The following SBF2 variants were observed in gnomAD, a reference collection of about 807,000 sequenced individuals.
SBF2 encodes myotubularin-related protein 13.
SBF2 carries 112 observed loss-of-function variants against 225.2 expected under a neutral mutation model. The observed-to-expected ratio is 0.50, with a 90% CI of 0.43 to 0.58. The LOEUF is 0.58. SBF2 is among the 20% of genes least tolerant of loss of function. The pLI is 0.00. For synonymous variants in SBF2, 763 were observed against 773.3 expected, an observed-to-expected ratio of 0.99 and a Z score of 0.22; for missense variants, 1,996 against 2,206.2, an observed-to-expected ratio of 0.90 and a Z score of 1.91.
In SBF2 at chr11:9,789,116, A is replaced by C; in HGVS notation, c.4925T>G (p.Leu1642Arg). 6.2e-7 allele frequency: 1 copy of C among 1,614,002 alleles called. No individual in the cohort carries two copies. Among genetic ancestry groups the C allele is most frequent in the Middle Eastern group, 1.6e-4 (1 of 6,062 alleles). ...TGTCTACAGTTGACTTACACTGAAA[A>C]GGCTGGTGAGAGCATCAGGCTGAGT... ...SCTQPDALTS[L>R]FSEIEKLEHK... The change falls in exon 35 of 40, where the codon CTT becomes CGT. Residue 1642 changes from leucine (L) to arginine (R), a missense_variant. Coordinates refer to ENST00000256190, the MANE Select transcript of SBF2 (RefSeq NM_030962.4).
At chr11:9,788,442 C>A (rs1852513542) in intron 35 of SBF2, among the ~76,000 whole-genome samples, 1 of 152,214 alleles carries the variant, frequency 6.6e-6, no homozygotes, top group Non-Finnish European at 1.5e-5. Flanking sequence ...ACTACCCACA[C>A]TTCTGACCAG....
intron 2 of SBF2, among the ~76,000 whole-genome samples, chr11:10,096,081 A>G (rs1268506096): frequency 6.6e-6 from 1 of 152,124 alleles, no homozygotes; most frequent in Non-Finnish European, 1.5e-5. Flanking sequence ...ACATCTAATA[A>G]ATACAAATAA....
At chr11:10,015,591 C>A (rs1457146761) in intron 6 of SBF2, among the ~76,000 whole-genome samples, 1 of 152,128 alleles carries the variant, frequency 6.6e-6, no homozygotes, top group Admixed American at 6.5e-5. Flanking sequence ...GTGGGAGCTT[C>A]CTAAAGGGAC....
chr11:10,034,331 T>C (rs919532432), intron 3 of SBF2, among the ~76,000 whole-genome samples: 5 of 152,332 alleles, frequency 3.3e-5, no homozygotes, highest in African/African-American at 1.2e-4. Flanking sequence ...TGGGATAAAT[T>C]AGTACTCACC....
chr11:9,825,133 T>G (rs1854993139), intron 28 of SBF2, among the ~76,000 whole-genome samples: 1 of 152,136 alleles, frequency 6.6e-6, no homozygotes, highest in Admixed American at 6.5e-5. Flanking sequence ...ATATATATCA[T>G]TAGTTAAGAT....
At chr11:9,839,368 C>G in intron 26 of SBF2, 130 bp downstream of exon 26, 1 of 907,186 alleles carries the variant, frequency 1.1e-6, no homozygotes, top group South Asian at 1.3e-5. Flanking sequence ...TTGCTCGTAT[C>G]CTGGAGACCT....
At chr11:9,818,036 C>G (rs146998504) in intron 28 of SBF2, among the ~76,000 whole-genome samples, 12,597 of 152,232 alleles carry the variant, frequency 0.083, 616 homozygotes, top group East Asian at 0.16. Flanking sequence ...ACCTCCACCT[C>G]CTGGGTTCAA....
chr11:10,172,604 C>T (rs1331577099), intron 2 of SBF2, among the ~76,000 whole-genome samples: 2 of 152,212 alleles, frequency 1.3e-5, no homozygotes, highest in East Asian at 1.9e-4. Context: ...CCACCGGCCT[C>T]GGCCTCCCGA....
chr11:10,017,375 C>A (rs376305321), intron 6 of SBF2, among the ~76,000 whole-genome samples: 3 of 152,132 alleles, frequency 2.0e-5, no homozygotes, highest in African/African-American at 7.2e-5. Context: ...TCTGGCCAAC[C>A]CACAACGGGG....
intron 1 of SBF2, among the ~76,000 whole-genome samples, chr11:10,253,386 C>T (rs116995750): frequency 1.3e-5 from 2 of 152,066 alleles, no homozygotes; most frequent in Non-Finnish European, 2.9e-5. Flanking sequence ...AAGAGATAGA[C>T]GTAAGAACTA....
At chr11:9,782,795 A>G (rs941386623) in intron 38 of SBF2, among the ~76,000 whole-genome samples, 3 of 151,222 alleles carry the variant, frequency 2.0e-5, no homozygotes, top group African/African-American at 7.3e-5. Flanking sequence ...GCGAGAACCC[A>G]GGAGGTGGAG....
intron 2 of SBF2, among the ~76,000 whole-genome samples, chr11:10,125,425 T>A (rs1216777255): frequency 6.6e-6 from 1 of 152,150 alleles, no homozygotes; most frequent in African/African-American, 2.4e-5. Context: ...TATTTGGAAA[T>A]AGTTTTAATA....
chr11:10,024,157 T>C (rs1471657022), intron 6 of SBF2, among the ~76,000 whole-genome samples: 2 of 152,362 alleles, frequency 1.3e-5, no homozygotes, highest in East Asian at 1.9e-4. Context: ...CAGCCATTCA[T>C]TTTTCATTTA....
At chr11:9,975,378 T>C (rs552173763) in intron 13 of SBF2, among the ~76,000 whole-genome samples, 1 of 152,120 alleles carries the variant, frequency 6.6e-6, no homozygotes, top group Non-Finnish European at 1.5e-5. Context: ...GCTAAGTGAA[T>C]GAAGCTAAAC....
At chr11:9,840,844 A>T (rs1308519801) in intron 25 of SBF2, among the ~76,000 whole-genome samples, 2 of 151,986 alleles carry the variant, frequency 1.3e-5, no homozygotes, top group African/African-American at 4.8e-5. Context: ...TTACAATCAC[A>T]GGTTACAGAA....
intron 2 of SBF2, among the ~76,000 whole-genome samples, chr11:10,183,444 A>G (rs1355406884): frequency 1.3e-5 from 2 of 152,248 alleles, no homozygotes. Context: ...GGAAATCCAG[A>G]GAAACTTTAA....
At chr11:10,239,787 T>A (rs1461557748) in intron 1 of SBF2, among the ~76,000 whole-genome samples, 1 of 152,234 alleles carries the variant, frequency 6.6e-6, no homozygotes, top group African/African-American at 2.4e-5. Flanking sequence ...ATATAGTAGC[T>A]TGTTTTTATA....
intron 29 of SBF2, 151 bp downstream of exon 29, chr11:9,816,689 C>T: frequency 1.9e-6 from 1 of 523,858 alleles, no homozygotes; most frequent in South Asian, 3.9e-5. Context: ...TAAATAAATA[C>T]AAAAGGAGAG....
In SBF2 at chr11:10,232,293, C is replaced by T. The variant is rs1036340027; in HGVS notation, c.56-38306G>A. On this transcript the variant is annotated intron_variant, in intron 1 of 39. Transcript: ENST00000256190. ...GCCTCGTGCTGCTTCAGCTCACGCT[C>T]GGTGCGCTGCACCCACTATCCTGCA... is the stretch of plus-strand genomic sequence containing the variant. Among the ~76,000 whole-genome samples the T allele has an allele frequency of 9.8e-5, 15 of 152,336 alleles. No homozygotes were observed. The East Asian group carries it at 2.7e-3, about 27-fold the overall frequency.
Sources: gnomAD v4.1 joint callset for allele counts (sites outside exome capture counted in the v4.1 genomes callset) on GRCh38, gnomAD v4.1.1 for gene constraint, MANE v1.5 for transcripts, NCBI Gene and HGNC (gene_info 2026-07-23, HGNC 2026-07-21) for gene names.